CSTF3: variants seen among roughly 807,000 people sequenced by gnomAD.
CSTF3 encodes CF-1 77 kDa subunit.
CSTF3 carries 29 observed loss-of-function variants against 105.8 expected under a neutral mutation model. The ratio of observed to expected loss-of-function variants is 0.27; its 90% CI spans 0.20 to 0.37. The LOEUF (loss-of-function observed/expected upper bound fraction) is 0.37, where lower values mean the gene tolerates loss of function less well. Ranked by LOEUF, CSTF3 falls within the 10% of genes least tolerant of loss-of-function variation. The pLI, the probability that CSTF3 is intolerant of heterozygous loss-of-function variation, is 1.00. For missense variants in CSTF3, 357 were observed against 879.3 expected (o/e 0.41, Z 7.51); for synonymous variants, 252 against 281.9 (o/e 0.89, Z 1.06).
intron 13 of CSTF3, 93 bp from the exon 14 acceptor site, chr11:33,097,071 G>A (rs1855230017): frequency 7.0e-6 from 6 of 854,360 alleles, no homozygotes; most frequent in Non-Finnish European, 1.0e-5. Flanking sequence ...TTAGAAAGTA[G>A]GAATTTAGAT....
intron 3 of CSTF3, among the ~76,000 whole-genome samples, chr11:33,112,501 A>G (rs1855389462): frequency 6.6e-6 from 1 of 152,204 alleles, no homozygotes; most frequent in Admixed American, 6.5e-5. Context: ...CTAAAGGAGT[A>G]TAACTTTTCA....
rs1366198533 is a variant in CSTF3 at position 33,088,175 on chromosome 11, C to T, written c.1642-1034G>A. Among the ~76,000 whole-genome samples, 5 of 151,820 alleles carry T rather than the reference C, an allele frequency of 3.3e-5. No homozygotes were observed. In the East Asian group the frequency reaches 5.8e-4, roughly 18 times the overall value. Reference sequence around the variant, plus strand: ...GATACATACATACCATACCACCCACCGTTAAACACAGAAGCACATTAATCC... The same window carrying T: ...GATACATACATACCATACCACCCACTGTTAAACACAGAAGCACATTAATCC... On this transcript the variant is annotated intron_variant, in intron 17 of 20. Transcript: ENST00000323959.
At chr11:33,143,644 G>A (rs1441826601) in intron 1 of CSTF3, among the ~76,000 whole-genome samples, 2 of 152,120 alleles carry the variant, frequency 1.3e-5, no homozygotes, top group African/African-American at 4.8e-5. Flanking sequence ...CTGCTACCTG[G>A]AAGGCTGAGG....
chr11:33,095,569 C>A (rs1855211685), intron 15 of CSTF3, among the ~76,000 whole-genome samples: 1 of 151,976 alleles, frequency 6.6e-6, no homozygotes, highest in Non-Finnish European at 1.5e-5. Context: ...CGCCTGTAAT[C>A]CCAGCACTTT....
intron 3 of CSTF3, among the ~76,000 whole-genome samples, chr11:33,126,494 A>G (rs1316978156): frequency 6.6e-6 from 1 of 152,184 alleles, no homozygotes; most frequent in African/African-American, 2.4e-5. Flanking sequence ...ATACATCAAC[A>G]TAATTCTAAA....
chr11:33,153,546 G>A (rs1181957065), intron 1 of CSTF3, among the ~76,000 whole-genome samples: 2 of 151,984 alleles, frequency 1.3e-5, no homozygotes, highest in African/African-American at 4.8e-5. Context: ...GCTGAGGTGG[G>A]AGGAGTCCTT....
chr11:33,086,988 G>A lies in CSTF3; in HGVS notation c.1795C>T (p.Pro599Ser), dbSNP rs1855112129. The A allele has an allele frequency of 1.2e-6, 2 of 1,614,038 alleles. No homozygotes were observed. Among genetic ancestry groups the A allele is most frequent in the Non-Finnish European group, 8.5e-7 (1 of 1,179,966 alleles). Residue 599 changes from proline to serine, a missense_variant and splice_region_variant, in exon 18 of 21, where the codon CCT becomes TCT. Physicochemically the swap from Pro to Ser is moderately conservative, Grantham distance 74. This residue lies in a region of CSTF3 where 206 missense variants were observed against 576.5 expected (regional missense o/e 0.36). Coordinates refer to ENST00000323959, the MANE Select transcript of CSTF3 (RefSeq NM_001326.3). ...TACTGGATCTAAAGTCATGGCTTAC[G>A]TGCTAAATGTCGTGGCTGAAATGGA... Reference protein sequence around the residue: ...MIPFQPRHLAPPGLHPVPGGV... With the variant: ...MIPFQPRHLASPGLHPVPGGV...
chr11:33,085,792 A>C lies in CSTF3; in HGVS notation c.1891-19T>G. Reference sequence around the variant, plus strand: ...AAGGACCCTATTTTTGACATGAATAAATTTTAATCCCAGTAATCTGACAAG... The same window carrying C: ...AAGGACCCTATTTTTGACATGAATACATTTTAATCCCAGTAATCTGACAAG... On this transcript the variant is annotated intron_variant, in intron 19 of 20. Coordinates refer to ENST00000323959, the MANE Select transcript of CSTF3 (RefSeq NM_001326.3). The C allele has an allele frequency of 1.2e-6, 2 of 1,611,628 alleles. No individual in the cohort carries two copies. Among genetic ancestry groups the C allele is most frequent in the Non-Finnish European group, 1.7e-6 (2 of 1,177,760 alleles).
chr11:33,112,482 A>G (rs1361774965), intron 3 of CSTF3, among the ~76,000 whole-genome samples: 1 of 152,210 alleles, frequency 6.6e-6, no homozygotes, highest in African/African-American at 2.4e-5. Flanking sequence ...TAGTCAACAA[A>G]GCTATAAACT....
chr11:33,133,044 C>T (rs1002852062), intron 3 of CSTF3, among the ~76,000 whole-genome samples: 1 of 151,978 alleles, frequency 6.6e-6, no homozygotes, highest in Non-Finnish European at 1.5e-5. Context: ...GCATCATTTA[C>T]AGTAAATGAT....
In CSTF3 at chr11:33,085,826, G is replaced by A; in HGVS notation, c.1891-53C>T. On this transcript the variant is annotated intron_variant, in intron 19 of 20. Transcript: ENST00000323959. ...CCCAGTAATCTGACAAGTTAAAGTA[G>A]TAGTAACTTTATACACAATTACTAT... 4 of 1,578,238 alleles carry A rather than the reference G, an allele frequency of 2.5e-6. No individual in the cohort carries two copies. The East Asian group carries it at 8.9e-5, about 35-fold the overall frequency.
chr11:33,134,907 C>T (rs1855637129), intron 3 of CSTF3, among the ~76,000 whole-genome samples: 2 of 152,056 alleles, frequency 1.3e-5, no homozygotes, highest in South Asian at 4.1e-4. Flanking sequence ...AGTACCAGCA[C>T]AACACTCAAG....
At chr11:33,088,447 A>AT (rs1284023907) in intron 17 of CSTF3, among the ~76,000 whole-genome samples, 1 of 151,730 alleles carries the variant, frequency 6.6e-6, no homozygotes, top group African/African-American at 2.4e-5. Context: ...AGCCCGGCCA[A>AT]TTTTTGTATT....
chr11:33,118,584 T>C (rs1855457040), intron 3 of CSTF3, among the ~76,000 whole-genome samples: 1 of 151,828 alleles, frequency 6.6e-6, no homozygotes, highest in Admixed American at 6.6e-5. Context: ...GTTTTGCTAC[T>C]CTACCTCCCA....
In CSTF3 at chr11:33,096,893, G is replaced by A; in HGVS notation, c.1214C>T (p.Thr405Ile). The A allele has an allele frequency of 6.2e-7, 1 of 1,613,490 alleles. No homozygotes were observed. Among genetic ancestry groups the A allele is most frequent in the Non-Finnish European group, 8.5e-7 (1 of 1,179,636 alleles). The change falls in exon 14 of 21, where the codon ACC becomes ATC. Residue 405 changes from threonine to isoleucine, a missense_variant. Physicochemically the swap from Thr to Ile is moderately conservative, Grantham distance 89. Transcript: ENST00000323959. ...RMIFKKARED[T>I]RTRHHVYVTA... is the part of the protein sequence containing the mutation. ...AACATAGACATGGTGGCGGGTTCTG[G>A]TATCTTCTCTTGCTTTTTTAAATAT...
In CSTF3 at chr11:33,120,382, GTT is replaced by G. The variant is rs572124367; in HGVS notation, c.226-11966_226-11965del. ...GAATATGGTTTTTTTCTCCATTAGAGTTTTTTTCTTATAATAAACACATATAT... is the reference window on the plus strand; with the variant it reads ...GAATATGGTTTTTTTCTCCATTAGAGTTTTTCTTATAATAAACACATATAT... On this transcript the variant is annotated intron_variant, in intron 3 of 20. Coordinates refer to ENST00000323959, the MANE Select transcript of CSTF3 (RefSeq NM_001326.3). Among the ~76,000 whole-genome samples the G allele has an allele frequency of 1.4e-4, 22 of 151,804 alleles. 1 individual carries two copies. The South Asian group carries it at 4.4e-3, about 30-fold the overall frequency.
chr11:33,122,623 A>G (rs1183586726), intron 3 of CSTF3, among the ~76,000 whole-genome samples: 2 of 152,156 alleles, frequency 1.3e-5, no homozygotes, highest in African/African-American at 4.8e-5. Context: ...CACATTTGAA[A>G]GAAAATATAG....
At chr11:33,105,433 C>A in intron 8 of CSTF3, 134 bp downstream of exon 8, 2 of 850,958 alleles carry the variant, frequency 2.4e-6, no homozygotes, top group East Asian at 2.7e-5. Flanking sequence ...CTTGCAAAAA[C>A]ATTATAGTGC....
At chr11:33,109,990 G>T (rs955416754) in intron 3 of CSTF3, among the ~76,000 whole-genome samples, 1 of 152,072 alleles carries the variant, frequency 6.6e-6, no homozygotes, top group Admixed American at 6.6e-5. Flanking sequence ...TACTGTATTT[G>T]GTTCATACAT....
Sources: allele counts gnomAD v4.1 joint callset (sites outside exome capture counted in the v4.1 genomes callset), GRCh38; gene constraint gnomAD v4.1.1; regional missense constraint gnomAD v4.1.1; transcripts MANE v1.5; gene names NCBI Gene and HGNC (gene_info 2026-07-23, HGNC 2026-07-21).